SMURF1: variants seen among roughly 807,000 people sequenced by gnomAD.
The protein encoded by SMURF1 is SMAD specific E3 ubiquitin protein ligase 1.
In SMURF1, 44 loss-of-function variants were observed where a neutral mutation model predicts 98.0. The ratio of observed to expected loss-of-function variants is 0.45; its 90% CI spans 0.35 to 0.58. The LOEUF (loss-of-function observed/expected upper bound fraction) is 0.58. Among genes scored for constraint, SMURF1 ranks in the 20% least tolerant of loss-of-function variants. The pLI is 0.00. For missense variants in SMURF1, 687 were observed against 938.4 expected (o/e 0.73, Z 3.50); for synonymous variants, 396 against 374.9 (o/e 1.06, Z -0.65).
At chr7:99,062,179 C>G (rs1360813696) in intron 1 of SMURF1, among the ~76,000 whole-genome samples, 1 of 100,462 alleles carries the variant, frequency 1.0e-5, no homozygotes, top group Non-Finnish European at 2.6e-5. Context: ...ATTGCAGCCT[C>G]GAACTCCTGG....
At chr7:99,090,433 C>G (rs944411744) in intron 1 of SMURF1, among the ~76,000 whole-genome samples, 1 of 152,140 alleles carries the variant, frequency 6.6e-6, no homozygotes, top group African/African-American at 2.4e-5. Context: ...ACCCTCTTAT[C>G]TCTCCCTCCC....
chr7:99,033,072 G>A lies in SMURF1; in HGVS notation c.2061C>T (p.Asp687=), dbSNP rs35405506. ...CCTTCGGAAGGTTGTCTGTGTTCGC[G>A]TCTATCAGGTGGATGGTGAACAGCC... ...GPRLFTIHLI[D]ANTDNLPKAH... is the part of the protein sequence containing the mutation. Residue 687 remains aspartate (D), a synonymous_variant, in exon 17 of 18, where the codon GAC becomes GAT. Coordinates refer to ENST00000361368, the MANE Select transcript of SMURF1 (RefSeq NM_181349.3). The A allele has an allele frequency of 7.8e-5, 124 of 1,592,616 alleles. No individual in the cohort carries two copies. In the African/African-American group the frequency reaches 1.2e-3, roughly 15 times the overall value.
At chr7:99,047,923 GC>G in intron 9 of SMURF1, 41 bp from the exon 10 acceptor site, 1 of 1,597,646 alleles carries the variant, frequency 6.3e-7, no homozygotes, top group Non-Finnish European at 8.5e-7. Context: ...CGAAGCCCCG[GC>G]CAGGGGAGCT....
intron 1 of SMURF1, among the ~76,000 whole-genome samples, chr7:99,067,558 G>A (rs972890162): frequency 2.0e-5 from 3 of 152,102 alleles, no homozygotes; most frequent in South Asian, 2.1e-4. Flanking sequence ...TAATGTTCAC[G>A]AAGCATTTGA....
At chr7:99,045,021 T>TGG (rs1795525832) in intron 11 of SMURF1, among the ~76,000 whole-genome samples, 3 of 151,960 alleles carry the variant, frequency 2.0e-5, no homozygotes, top group African/African-American at 4.8e-5. Flanking sequence ...CACCTGTAGT[T>TGG]CCAGCTACTT....
At chr7:99,051,143 A>G in intron 8 of SMURF1, 3 of 843,258 alleles carry the variant, frequency 3.6e-6, no homozygotes, top group Non-Finnish European at 5.6e-6. Context: ...ATCATGGTCA[A>G]CCTTGTTTCA....
intron 16 of SMURF1, among the ~76,000 whole-genome samples, chr7:99,033,913 G>A (rs573793722): frequency 6.6e-5 from 10 of 152,362 alleles, no homozygotes; most frequent in African/African-American, 1.4e-4. Context: ...AAAGGAGGGC[G>A]CAGAGGGCAC....
chr7:99,108,940 C>T (rs1210207246), intron 1 of SMURF1, among the ~76,000 whole-genome samples: 2 of 152,232 alleles, frequency 1.3e-5, no homozygotes, highest in African/African-American at 2.4e-5. Flanking sequence ...TCATTCTGTA[C>T]ACCCAGAAGT....
chr7:99,080,351 G>A (rs1024388541), intron 1 of SMURF1, among the ~76,000 whole-genome samples: 1 of 152,216 alleles, frequency 6.6e-6, no homozygotes, highest in Non-Finnish European at 1.5e-5. Flanking sequence ...GGAGGCTGGA[G>A]TGCAGCGGCG....
intron 1 of SMURF1, among the ~76,000 whole-genome samples, chr7:99,080,591 G>A (rs1046611890): frequency 5.3e-5 from 8 of 152,142 alleles, no homozygotes; most frequent in African/African-American, 7.2e-5. Context: ...GAGCCACCAC[G>A]CCCGGCTAAA....
chr7:99,114,886 TAATC>T (rs1260072511), intron 1 of SMURF1, among the ~76,000 whole-genome samples: 1 of 152,000 alleles, frequency 6.6e-6, no homozygotes, highest in Non-Finnish European at 1.5e-5. Context: ...TATACACTGT[TAATC>T]AATAGGTCAA....
chr7:99,077,143 A>G (rs1263622303), intron 1 of SMURF1, among the ~76,000 whole-genome samples: 1 of 151,888 alleles, frequency 6.6e-6, no homozygotes, highest in African/African-American at 2.4e-5. Context: ...AAATTATGGT[A>G]TAATTTATTT....
intron 1 of SMURF1, 70 bp from the exon 2 acceptor site, chr7:99,061,907 A>T: frequency 3.5e-6 from 4 of 1,143,104 alleles, no homozygotes; most frequent in Non-Finnish European, 5.0e-6. Flanking sequence ...ATCTATATTT[A>T]CACCCGAACA....
At chr7:99,076,284 T>C (rs1796456803) in intron 1 of SMURF1, among the ~76,000 whole-genome samples, 2 of 152,188 alleles carry the variant, frequency 1.3e-5, no homozygotes, top group Admixed American at 1.3e-4. Flanking sequence ...AAAAAGTAAC[T>C]TTACAGTGGA....
At chr7:99,037,528 T>C (rs1795192499) in intron 14 of SMURF1, among the ~76,000 whole-genome samples, 1 of 152,202 alleles carries the variant, frequency 6.6e-6, no homozygotes, top group Non-Finnish European at 1.5e-5. Flanking sequence ...CATGAGCCAC[T>C]GCGCCCGACC....
Position 99,078,761 on chromosome 7 carries a change from T to C in SMURF1, c.56-16924A>G, listed in dbSNP as rs185287061. On this transcript the variant is annotated intron_variant, in intron 1 of 17. Transcript: ENST00000361368. ...TAATGCCTGATGATCTGTCACTGTC[T>C]CCCATCACCCCCACATGGGACTGTC... is the stretch of plus-strand genomic sequence containing the variant. 4.9e-3 allele frequency among the ~76,000 whole-genome samples: 741 copies of C among 152,306 alleles called. 3 individuals are homozygous for C. Among genetic ancestry groups the C allele is most frequent in the Middle Eastern group, 0.01 (3 of 294 alleles).
At chr7:99,068,781 G>C (rs1433931338) in intron 1 of SMURF1, among the ~76,000 whole-genome samples, 1 of 152,056 alleles carries the variant, frequency 6.6e-6, no homozygotes, top group Non-Finnish European at 1.5e-5. Context: ...TCATGGTATA[G>C]CTTGGATTAG....
intron 1 of SMURF1, among the ~76,000 whole-genome samples, chr7:99,063,283 A>ATATATATAAGATTTT (rs1796106042): frequency 2.9e-4 from 5 of 17,346 alleles, no homozygotes; most frequent in Non-Finnish European, 7.7e-4. Context: ...ATATATATAT[A>ATATATATAAGATTTT]TATATATATA....
intron 1 of SMURF1, among the ~76,000 whole-genome samples, chr7:99,082,573 A>G (rs1362369044): frequency 1.3e-5 from 2 of 152,220 alleles, no homozygotes; most frequent in East Asian, 3.8e-4. Context: ...ATTGACCTCT[A>G]TATCTACGCT....
Sources: gnomAD v4.1 joint callset for allele counts (sites outside exome capture counted in the v4.1 genomes callset) on GRCh38, gnomAD v4.1.1 for gene constraint, MANE v1.5 for transcripts, NCBI Gene and HGNC (gene_info 2026-07-23, HGNC 2026-07-21) for gene names.